The following SVIL variants were observed in gnomAD, a reference collection of about 807,000 sequenced individuals.
SVIL encodes the protein archvillin.
In SVIL, 101 loss-of-function variants were observed where a neutral mutation model predicts 240.4. The ratio of observed to expected loss-of-function variants is 0.42; its 90% CI spans 0.36 to 0.50. The LOEUF (loss-of-function observed/expected upper bound fraction) is 0.50, where lower values mean the gene tolerates loss of function less well. Among genes scored for constraint, SVIL ranks in the 20% least tolerant of loss-of-function variants. SVIL has a pLI of 0.01. For missense variants in SVIL, 2,512 were observed against 2,818.7 expected (o/e 0.89, Z 2.46); for synonymous variants, 999 against 1,100.0 (o/e 0.91, Z 1.82).
rs1948132128 is a variant in SVIL at position 29,493,219 on chromosome 10, T to C, written c.4014A>G (p.Ala1338=). Reference sequence around the variant, plus strand: ...CGGAGACCCAAATAACTCACTTGGGTGCATAAGGATCGAAAATGACATCGA... The same window carrying C: ...CGGAGACCCAAATAACTCACTTGGGCGCATAAGGATCGAAAATGACATCGA... ...EDFDVIFDPY[A]PKLTSSVAEH... Residue 1338 remains alanine (A), a synonymous_variant, in exon 21 of 38, where the codon GCA becomes GCG. Transcript: ENST00000355867. 5 of 1,613,850 alleles carry C rather than the reference T, an allele frequency of 3.1e-6. No homozygotes were observed. The East Asian group carries it at 1.1e-4, about 36-fold the overall frequency.
chr10:29,663,905 A>G lies in SVIL; in HGVS notation c.-300-5837T>C, dbSNP rs1212463357. Among the ~76,000 whole-genome samples the G allele has an allele frequency of 4.6e-5, 7 of 152,314 alleles. No individual in the cohort carries two copies. The East Asian group carries it at 1.4e-3, about 29-fold the overall frequency. On this transcript the variant is annotated intron_variant, in intron 2 of 35. Transcript: ENST00000375400. ...ATGCTCACAGTCAAAATAGCAACTG[A>G]CGCCAAGGGCACATCAAGGAGAGGG...
At position 29,493,389 on chromosome 10, in the gene SVIL, C is replaced by G; in HGVS notation, c.3844G>C (p.Gly1282Arg). 6.2e-7 allele frequency: 1 copy of G among 1,613,900 alleles called. No homozygotes were observed. The highest frequency in any genetic ancestry group is 8.5e-7 in the Non-Finnish European group (1 of 1,179,882). ...GTGAGCACCGTTTCGTGCATCCCGC[C>G]AACTATCAACAAACAAGCAAAAGAC... ...TFLRRLNNKV[G>R]GMHETVLTVT... Residue 1282 changes from glycine (G) to arginine (R), a missense_variant and splice_region_variant, in exon 21 of 38, where the codon GGC becomes CGC. Physicochemically the swap from Gly to Arg is moderately radical, Grantham distance 125. This residue lies in a region of SVIL where 272 missense variants were observed against 406.8 expected (regional missense o/e 0.67). Coordinates refer to ENST00000355867, the MANE Select transcript of SVIL (RefSeq NM_021738.3).
chr10:29,647,171 A>G (rs1958685933), intron 3 of SVIL: 1 of 152,218 alleles, frequency 6.6e-6, no homozygotes, highest in Non-Finnish European at 1.5e-5. Flanking sequence ...ACAGTTCTGA[A>G]GAAGTCTTGG....
chr10:29,532,387 AT>A, intron 8 of SVIL, 141 bp downstream of exon 8: 2 of 1,398,160 alleles, frequency 1.4e-6, no homozygotes, highest in Non-Finnish European at 1.9e-6. Context: ...TTTTTGAGCC[AT>A]TTTCCGCATA....
chr10:29,522,396 C>G lies in SVIL; in HGVS notation c.3389+14G>C. The G allele has an allele frequency of 6.2e-7, 1 of 1,613,684 alleles. No homozygotes were observed. The highest frequency in any genetic ancestry group is 1.1e-5 in the South Asian group (1 of 91,038). ...CCCCGAGAGAATTACTTTTCGCTCA[C>G]CGAATCTCATTACCTTTCTTTAATA... is the stretch of plus-strand genomic sequence containing the variant. On this transcript the variant is annotated intron_variant, in intron 16 of 37. Transcript: ENST00000355867.
At chr10:29,732,348 T>C (rs1337802397) in intron 1 of SVIL, among the ~76,000 whole-genome samples, 10 of 152,056 alleles carry the variant, frequency 6.6e-5, no homozygotes, top group Admixed American at 4.6e-4. Flanking sequence ...AGGTATAAAA[T>C]AGCAAAAAAT....
At chr10:29,720,633 GC>G (rs1963914648) in intron 1 of SVIL, among the ~76,000 whole-genome samples, 3 of 152,132 alleles carry the variant, frequency 2.0e-5, no homozygotes. Flanking sequence ...ATACATAAGA[GC>G]TTTCTCCTTA....
At chr10:29,698,408 C>G (rs1391869644) in intron 1 of SVIL, among the ~76,000 whole-genome samples, 1 of 134,570 alleles carries the variant, frequency 7.4e-6, no homozygotes, top group Non-Finnish European at 1.6e-5. Context: ...AGTGTGACCC[C>G]AGAAGCCACG....
At position 29,523,411 on chromosome 10, in the gene SVIL, C is replaced by T. The variant is rs1285627088; in HGVS notation, c.3163+40G>A. The T allele has an allele frequency of 2.0e-6, 3 of 1,530,176 alleles. No individual in the cohort carries two copies. In the East Asian group the frequency reaches 6.8e-5, roughly 35 times the overall value. 94.8% of individuals were successfully genotyped at this position (1,530,176 alleles called of 1,614,324 possible). The stretch of plus-strand genomic sequence containing the variant: ...GGACAAATCAAGCAGAAACTAAAAC[C>T]CAGTGGCTTTCTAAAGCTTTAGGGG... On this transcript the variant is annotated intron_variant, in intron 15 of 37. Transcript: ENST00000355867.
chr10:29,637,391 G>GTT (rs1339935198), upstream of SVIL, among the ~76,000 whole-genome samples: 1 of 152,144 alleles, frequency 6.6e-6, no homozygotes, highest in African/African-American at 2.4e-5. Context: ...GGAGGCTAAG[G>GTT]CAGGAGCATC....
chr10:29,666,426 A>G (rs1959300946), intron 2 of SVIL, among the ~76,000 whole-genome samples: 1 of 152,226 alleles, frequency 6.6e-6, no homozygotes, highest in African/African-American at 2.4e-5. Flanking sequence ...AAAAGTCCCA[A>G]CATAGTTTTA....
At chr10:29,666,148 C>T (rs1959272339) in intron 2 of SVIL, among the ~76,000 whole-genome samples, 1 of 152,096 alleles carries the variant, frequency 6.6e-6, no homozygotes, top group South Asian at 2.1e-4. Flanking sequence ...AAACTCCTGG[C>T]CTCAAGTGAT....
At chr10:29,689,010 G>C (rs1055319489) in intron 1 of SVIL, among the ~76,000 whole-genome samples, 8 of 152,052 alleles carry the variant, frequency 5.3e-5, no homozygotes, top group African/African-American at 1.9e-4. Flanking sequence ...ATCATAAAAG[G>C]CACATATATA....
chr10:29,602,979 TC>T lies in SVIL; in HGVS notation c.-201+31440del, dbSNP rs1226781923. Reference sequence around the variant, plus strand: ...CCAGCCTGGGCAACAAGAGAGAAACTCCATCTCAAAAAAAGAAAGGGAGAGG... The same window carrying T: ...CCAGCCTGGGCAACAAGAGAGAAACTCATCTCAAAAAAAGAAAGGGAGAGG... On this transcript the variant is annotated intron_variant, in intron 1 of 37. Transcript: ENST00000355867. 3.3e-5 allele frequency among the ~76,000 whole-genome samples: 5 copies of T among 150,886 alleles called. No homozygotes were observed. The East Asian group carries it at 9.9e-4, about 30-fold the overall frequency.
At position 29,723,001 on chromosome 10, in the gene SVIL, C is replaced by A. The variant is rs943338295; in HGVS notation, c.-400+12750G>T. Among the ~76,000 whole-genome samples, 3 of 152,240 alleles carry A rather than the reference C, an allele frequency of 2.0e-5. No individual in the cohort carries two copies. The South Asian group carries it at 6.2e-4, about 31-fold the overall frequency. ...AATGGGAGTAATACTACCTACTTCACGTGGTACTTGTGATTAAATGACATT... is the reference window on the plus strand; with the variant it reads ...AATGGGAGTAATACTACCTACTTCAAGTGGTACTTGTGATTAAATGACATT... On this transcript the variant is annotated intron_variant, in intron 1 of 35. Coordinates refer to the SVIL transcript ENST00000375400.
In SVIL at chr10:29,551,067, C is replaced by T; in HGVS notation, c.357G>A (p.Lys119=). Residue 119 remains lysine (K), a synonymous_variant, in exon 6 of 38, where the codon AAG becomes AAA. Coordinates refer to ENST00000355867, the MANE Select transcript of SVIL (RefSeq NM_021738.3). ...KAERRRQLAE[K]YGLTLDPEAD... ...CCTCGGGATCCAGAGTCAGCCCATA[C>T]TTCTCTGCCAGCTGTCGCCTTCTTT... The T allele has an allele frequency of 6.2e-7, 1 of 1,614,192 alleles. No individual in the cohort carries two copies. Among genetic ancestry groups the T allele is most frequent in the Non-Finnish European group, 8.5e-7 (1 of 1,180,036 alleles).
chr10:29,530,468 T>G (rs1472471894), intron 11 of SVIL, 139 bp downstream of exon 11: 10 of 879,012 alleles, frequency 1.1e-5, no homozygotes, highest in African/African-American at 1.7e-5. Flanking sequence ...TTATTTTTTT[T>G]GAGATGGGGG....
chr10:29,507,861 C>T, intron 17 of SVIL: 2 of 851,004 alleles, frequency 2.4e-6, no homozygotes, highest in Non-Finnish European at 2.8e-6. Context: ...GAAGATTTAT[C>T]AGAGCGGGGC....
At chr10:29,622,249 CAAAAAAAA>C (rs71020801) in intron 1 of SVIL, among the ~76,000 whole-genome samples, 6 of 51,634 alleles carry the variant, frequency 1.2e-4, no homozygotes, top group Admixed American at 2.8e-4. Context: ...GACTCCGTCT[CAAAAAAAA>C]AAAAAAAAAA....
Sources: gnomAD v4.1 joint callset for allele counts (sites outside exome capture counted in the v4.1 genomes callset) on GRCh38, gnomAD v4.1.1 for gene constraint, gnomAD v4.1.1 regional missense constraint, MANE v1.5 for transcripts, NCBI Gene and HGNC (gene_info 2026-07-23, HGNC 2026-07-21) for gene names.